Variants in SLC24A2 observed in about 807,000 individuals in gnomAD.
SLC24A2 encodes the protein sodium/potassium/calcium exchanger 2.
SLC24A2 carries 36 observed loss-of-function variants against 62.0 expected under a neutral mutation model. The ratio of observed to expected loss-of-function variants is 0.58; its 90% CI spans 0.44 to 0.77. SLC24A2 has a LOEUF of 0.77. Ranked by LOEUF, SLC24A2 falls within the 30% of genes least tolerant of loss-of-function variation. The pLI is 0.00. For missense variants in SLC24A2, 846 were observed against 817.9 expected (o/e 1.03, Z -0.42); for synonymous variants, 358 against 294.0 (o/e 1.22, Z -2.23).
At chr9:19,949,093 A>C in the SLC24A2 span, among the ~76,000 whole-genome samples, 1 of 151,936 alleles carries the variant, frequency 6.6e-6, no homozygotes, top group South Asian at 2.1e-4. Context: ...CCCTGAGTTC[A>C]AGTGATTCTC....
At chr9:20,038,536 T>C in the SLC24A2 span, among the ~76,000 whole-genome samples, 1 of 151,528 alleles carries the variant, frequency 6.6e-6, no homozygotes, top group South Asian at 2.1e-4. Context: ...GCAGAAATGC[T>C]GAGTGTGAGG....
the SLC24A2 span, among the ~76,000 whole-genome samples, chr9:20,211,739 A>C: frequency 3.4e-4 from 52 of 152,286 alleles, no homozygotes; most frequent in African/African-American, 1.3e-3. Context: ...TTATATTTTC[A>C]AAAATTGTTA....
At chr9:20,031,544 A>G in the SLC24A2 span, among the ~76,000 whole-genome samples, 1 of 152,076 alleles carries the variant, frequency 6.6e-6, no homozygotes, top group Non-Finnish European at 1.5e-5. Flanking sequence ...TTAGTGGACC[A>G]TAATTGTGAG....
chr9:20,234,175 C>A, the SLC24A2 span, among the ~76,000 whole-genome samples: 1 of 152,144 alleles, frequency 6.6e-6, no homozygotes, highest in Admixed American at 6.5e-5. Context: ...TCCTTCATTT[C>A]AACTTTGGTG....
At chr9:19,698,279 TAACAA>T (rs144798144) in intron 2 of SLC24A2, among the ~76,000 whole-genome samples, 4,780 of 152,202 alleles carry the variant, frequency 0.031, 76 homozygotes, top group Middle Eastern at 0.065. Flanking sequence ...TACAAAAAAT[TAACAA>T]AAATATTGTA....
At chr9:19,827,862 A>C in the SLC24A2 span, among the ~76,000 whole-genome samples, 2 of 152,178 alleles carry the variant, frequency 1.3e-5, no homozygotes, top group Non-Finnish European at 2.9e-5. Context: ...CAACTCTGGA[A>C]TCACCCATAT....
intron 2 of SLC24A2, among the ~76,000 whole-genome samples, chr9:19,706,974 T>A (rs1275404905): frequency 6.6e-6 from 1 of 151,860 alleles, no homozygotes; most frequent in East Asian, 1.9e-4. Flanking sequence ...GGAGCTGGTT[T>A]TTTGAAAGGA....
At chr9:19,650,702 G>A (rs1818774643) in intron 2 of SLC24A2, among the ~76,000 whole-genome samples, 1 of 146,976 alleles carries the variant, frequency 6.8e-6, no homozygotes, top group Admixed American at 6.9e-5. Flanking sequence ...CATCTGCAGA[G>A]AAAACAAAAC....
At chr9:19,867,080 A>G in the SLC24A2 span, among the ~76,000 whole-genome samples, 1 of 152,210 alleles carries the variant, frequency 6.6e-6, no homozygotes, top group Non-Finnish European at 1.5e-5. Flanking sequence ...GATTGTTTGT[A>G]ATACAAAGGA....
At chr9:20,115,506 C>T in the SLC24A2 span, among the ~76,000 whole-genome samples, 1 of 152,102 alleles carries the variant, frequency 6.6e-6, no homozygotes, top group African/African-American at 2.4e-5. Context: ...AAGTACCCAG[C>T]AAGCCAAATC....
rs754279442 is a variant in SLC24A2, at chr9:19,622,263, G to A, written c.967C>T (p.Pro323Ser). Residue 323 changes from proline to serine, a missense_variant and splice_region_variant, in exon 3 of 11, where the codon CCG becomes TCG. By Grantham distance (74) the Pro-to-Ser change is moderately conservative (BLOSUM62 -1). Coordinates refer to ENST00000341998, the MANE Select transcript of SLC24A2 (RefSeq NM_020344.4). Reference protein sequence around the residue: ...AARDKDEPTLPAKPRLQRGGS... With the variant: ...AARDKDEPTLSAKPRLQRGGS... ...CAGACAAAGCCACTGCTTCCTACCG[G>A]TAGAGTTGGTTCATCCTTGTCCCTG... is the stretch of plus-strand genomic sequence containing the variant. 2 of 1,613,210 alleles carry A rather than the reference G, an allele frequency of 1.2e-6. No individual in the cohort carries two copies. Among genetic ancestry groups the A allele is most frequent in the Admixed American group, 1.7e-5 (1 of 59,958 alleles).
At chr9:19,758,620 T>C (rs1197794980) in intron 2 of SLC24A2, among the ~76,000 whole-genome samples, 3 of 152,204 alleles carry the variant, frequency 2.0e-5, no homozygotes, top group Admixed American at 2.0e-4. Context: ...CAAGGTTTCC[T>C]TCTTTTGAAA....
At chr9:19,597,161 A>C in intron 5 of SLC24A2, 68 bp downstream of exon 5, 4 of 1,027,778 alleles carry the variant, frequency 3.9e-6, no homozygotes, top group Middle Eastern at 2.0e-4. Flanking sequence ...AAAGAATAAA[A>C]AATGGGCAAG....
the SLC24A2 span, among the ~76,000 whole-genome samples, chr9:20,285,132 C>A: frequency 6.6e-6 from 1 of 152,158 alleles, no homozygotes; most frequent in African/African-American, 2.4e-5. Flanking sequence ...GAAACCTCTT[C>A]CCAAGGAAAT....
chr9:19,615,792 G>A (rs72702411), intron 4 of SLC24A2, among the ~76,000 whole-genome samples: 9 of 152,230 alleles, frequency 5.9e-5, no homozygotes, highest in South Asian at 2.1e-4. Context: ...AGGGCCAGGC[G>A]TTTTGGAAAA....
At chr9:20,047,801 G>C in the SLC24A2 span, among the ~76,000 whole-genome samples, 7 of 151,356 alleles carry the variant, frequency 4.6e-5, no homozygotes, top group Non-Finnish European at 8.8e-5. Flanking sequence ...CATCACCTTG[G>C]GGGTTAGGAT....
At chr9:20,193,669 G>C in the SLC24A2 span, among the ~76,000 whole-genome samples, 1 of 151,994 alleles carries the variant, frequency 6.6e-6, no homozygotes, top group Non-Finnish European at 1.5e-5. Context: ...TAAATATTTA[G>C]GATGTTGATT....
chr9:20,042,527 C>A, the SLC24A2 span, among the ~76,000 whole-genome samples: 2 of 152,254 alleles, frequency 1.3e-5, no homozygotes, highest in South Asian at 2.1e-4. Flanking sequence ...GAGAAAGCAC[C>A]CACCAAGGTA....
rs762780068 is a variant in SLC24A2, at chr9:19,622,250, C to T, written c.969+11G>A. ...ACACAAACAGGTACAGACAAAGCCA[C>T]TGCTTCCTACCGGTAGAGTTGGTTC... is the stretch of plus-strand genomic sequence containing the variant. On this transcript the variant is annotated intron_variant, in intron 3 of 10. Coordinates refer to ENST00000341998, the MANE Select transcript of SLC24A2 (RefSeq NM_020344.4). 1.9e-6 allele frequency: 3 copies of T among 1,612,978 alleles called. No individual in the cohort carries two copies. Among genetic ancestry groups the T allele is most frequent in the Non-Finnish European group, 2.5e-6 (3 of 1,179,124 alleles).
Sources: gnomAD v4.1 joint callset for allele counts (sites outside exome capture counted in the v4.1 genomes callset) on GRCh38, gnomAD v4.1.1 for gene constraint, MANE v1.5 for transcripts, NCBI Gene and HGNC (gene_info 2026-07-23, HGNC 2026-07-21) for gene names.